MALRD1: variants seen among roughly 807,000 people sequenced by gnomAD.
The protein encoded by MALRD1 is MAM and LDL-receptor class A domain-containing protein 1.
In MALRD1, 247 loss-of-function variants were observed where a neutral mutation model predicts 242.1. The observed-to-expected ratio is 1.02, with a 90% CI of 0.92 to 1.13. MALRD1 has a LOEUF of 1.13. Among genes scored for constraint, MALRD1 ranks in the 50% most tolerant of loss-of-function variants. MALRD1 has a pLI of 0.00. For missense variants in MALRD1, 2,989 were observed against 2,533.1 expected (o/e 1.18, Z -3.86); for synonymous variants, 995 against 866.6 (o/e 1.15, Z -2.60).
At chr10:19,634,577 A>G (rs1435150440) in intron 36 of MALRD1, among the ~76,000 whole-genome samples, 2 of 152,140 alleles carry the variant, frequency 1.3e-5, no homozygotes, top group African/African-American at 4.8e-5. Context: ...CTTGCGGAAT[A>G]TGGAGACTTA....
chr10:19,247,189 A>C (rs557907017), intron 18 of MALRD1, among the ~76,000 whole-genome samples: 4 of 152,120 alleles, frequency 2.6e-5, no homozygotes, highest in Non-Finnish European at 4.4e-5. Flanking sequence ...AGAAAAGCCA[A>C]AGGGCTTGTT....
intron 18 of MALRD1, among the ~76,000 whole-genome samples, chr10:19,249,264 A>G (rs1839200933): frequency 6.6e-6 from 1 of 151,860 alleles, no homozygotes; most frequent in Non-Finnish European, 1.5e-5. Context: ...GCAAAACTGT[A>G]TAAATGTAGG....
At chr10:19,408,746 G>A (rs1341694281) in intron 28 of MALRD1, among the ~76,000 whole-genome samples, 1 of 152,128 alleles carries the variant, frequency 6.6e-6, no homozygotes, top group African/African-American at 2.4e-5. Flanking sequence ...GACCAGAATA[G>A]TGAAAAAAAT....
At chr10:19,070,297 T>C (rs975390878) in intron 2 of MALRD1, among the ~76,000 whole-genome samples, 9 of 152,130 alleles carry the variant, frequency 5.9e-5, no homozygotes, top group African/African-American at 1.4e-4. Flanking sequence ...GCCAAGAACA[T>C]ACACATTAGC....
intron 2 of MALRD1, among the ~76,000 whole-genome samples, chr10:19,083,144 A>C (rs1835548507): frequency 6.6e-6 from 1 of 151,994 alleles, no homozygotes; most frequent in Non-Finnish European, 1.5e-5. Context: ...CCACATATGA[A>C]TGTGTGTGTG....
chr10:19,262,273 A>G (rs1232132817), intron 19 of MALRD1, among the ~76,000 whole-genome samples: 1 of 152,126 alleles, frequency 6.6e-6, no homozygotes, highest in African/African-American at 2.4e-5. Flanking sequence ...ACATGTCTAT[A>G]TATTATGAAA....
intron 11 of MALRD1, among the ~76,000 whole-genome samples, chr10:19,148,231 C>T (rs1328318374): frequency 2.0e-5 from 3 of 151,610 alleles, no homozygotes; most frequent in Non-Finnish European, 4.4e-5. Flanking sequence ...GGAAGCTGTG[C>T]GGGCAGTGTG....
At chr10:19,100,175 T>C (rs1836201033) in intron 4 of MALRD1, among the ~76,000 whole-genome samples, 1 of 152,210 alleles carries the variant, frequency 6.6e-6, no homozygotes, top group Admixed American at 6.5e-5. Flanking sequence ...CTAGACTATT[T>C]AATTATGCCT....
intron 14 of MALRD1, among the ~76,000 whole-genome samples, chr10:19,199,177 A>G (rs945077696): frequency 1.3e-4 from 20 of 152,258 alleles, no homozygotes; most frequent in African/African-American, 4.8e-4. Flanking sequence ...AGAGGAAAAA[A>G]AAATCTTTAA....
At chr10:19,725,375 T>C (rs1182140165) in intron 38 of MALRD1, among the ~76,000 whole-genome samples, 2 of 152,122 alleles carry the variant, frequency 1.3e-5, no homozygotes, top group Non-Finnish European at 2.9e-5. Context: ...TGGCTGCCAC[T>C]GTGTGAAGAA....
At chr10:19,559,844 C>A (rs1335771007) in intron 32 of MALRD1, among the ~76,000 whole-genome samples, 2 of 152,120 alleles carry the variant, frequency 1.3e-5, no homozygotes, top group African/African-American at 4.8e-5. Flanking sequence ...TGAACAGACA[C>A]TTCTGAAAAG....
At chr10:19,496,994 A>G (rs139696721) in intron 30 of MALRD1, among the ~76,000 whole-genome samples, 2 of 152,302 alleles carry the variant, frequency 1.3e-5, no homozygotes, top group Non-Finnish European at 2.9e-5. Context: ...AAGAGAATTT[A>G]TCCTGATTGG....
intron 29 of MALRD1, 34 bp downstream of exon 29, chr10:19,450,524 A>C: frequency 6.6e-7 from 1 of 1,510,576 alleles, no homozygotes. Flanking sequence ...ATTTGGAAGC[A>C]CATTTTTAAT....
intron 14 of MALRD1, among the ~76,000 whole-genome samples, chr10:19,179,913 C>T (rs1314584292): frequency 2.0e-5 from 3 of 152,076 alleles, no homozygotes; most frequent in Non-Finnish European, 2.9e-5. Context: ...GGCAATGCCT[C>T]CATTCTTTCT....
chr10:19,649,184 G>A (rs925651443), intron 36 of MALRD1, among the ~76,000 whole-genome samples: 1 of 152,166 alleles, frequency 6.6e-6, no homozygotes, highest in African/African-American at 2.4e-5. Context: ...TGTGAACACT[G>A]CTGCAATGAA....
At position 19,075,975 on chromosome 10, in the gene MALRD1, A is replaced by G. The variant is rs184964511; in HGVS notation, c.340+9116A>G. Among the ~76,000 whole-genome samples, 10 of 152,186 alleles carry G rather than the reference A, an allele frequency of 6.6e-5. No homozygotes were observed. The East Asian group carries it at 1.2e-3, about 18-fold the overall frequency. ...AAAATCTCCGTTTTACTAGGTAAAG[A>G]GGAACAATTCTAAAAGTCGTCTGGA... On this transcript the variant is annotated intron_variant, in intron 2 of 39. Transcript: ENST00000454679.
intron 5 of MALRD1, among the ~76,000 whole-genome samples, chr10:19,118,232 T>C (rs989863691): frequency 6.6e-6 from 1 of 152,188 alleles, no homozygotes; most frequent in Non-Finnish European, 1.5e-5. Flanking sequence ...AGAGTCAAGC[T>C]CTGTAAAATA....
intron 31 of MALRD1, among the ~76,000 whole-genome samples, chr10:19,500,150 C>T (rs1005085206): frequency 1.3e-5 from 2 of 152,120 alleles, no homozygotes; most frequent in Non-Finnish European, 2.9e-5. Context: ...AAGAGTCCCT[C>T]CTCCTTGAAT....
chr10:19,100,704 C>T (rs1361636657), intron 4 of MALRD1, among the ~76,000 whole-genome samples: 1 of 151,990 alleles, frequency 6.6e-6, no homozygotes, highest in Non-Finnish European at 1.5e-5. Context: ...GTCCAGCAGG[C>T]TGTGGAAACT....
Sources: allele counts gnomAD v4.1 joint callset (sites outside exome capture counted in the v4.1 genomes callset), GRCh38; gene constraint gnomAD v4.1.1; transcripts MANE v1.5; gene names NCBI Gene and HGNC (gene_info 2026-07-23, HGNC 2026-07-21).